ABR: variants seen among roughly 807,000 people sequenced by gnomAD.
The protein encoded by ABR is ABR activator of RhoGEF and GTPase.
Under a neutral mutation model 107.2 loss-of-function variants are expected in ABR, and 35 were observed. The ratio of observed to expected loss-of-function variants is 0.33; its 90% CI spans 0.25 to 0.43. ABR has a LOEUF of 0.43. ABR is among the 20% of genes least tolerant of loss of function. The pLI, the probability that ABR is intolerant of heterozygous loss-of-function variation, is 1.00. For synonymous variants in ABR, 498 were observed against 462.0 expected (o/e 1.08, Z -1.00); for missense variants, 815 against 1,115.2 (o/e 0.73, Z 3.83).
At chr17:1,090,358 T>A (rs1275328225) in intron 4 of ABR, among the ~76,000 whole-genome samples, 50 of 151,524 alleles carry the variant, frequency 3.3e-4, no homozygotes, top group Admixed American at 3.3e-3. Context: ...GAAGGGGCCG[T>A]CGAGGTTTCA....
At chr17:1,026,894 C>T (rs2072242039) in intron 16 of ABR, among the ~76,000 whole-genome samples, 1 of 151,930 alleles carries the variant, frequency 6.6e-6, no homozygotes, top group African/African-American at 2.4e-5. Flanking sequence ...CCTGGCAGCT[C>T]CCCCAGACTC....
chr17:1,048,236 A>G (rs1468838109), intron 16 of ABR, among the ~76,000 whole-genome samples: 1 of 152,222 alleles, frequency 6.6e-6, no homozygotes, highest in African/African-American at 2.4e-5. Flanking sequence ...GAGTACTGAG[A>G]AGCAGGGTGC....
intron 2 of ABR, among the ~76,000 whole-genome samples, chr17:1,101,841 C>T (rs1287287190): frequency 6.6e-6 from 1 of 151,740 alleles, no homozygotes; most frequent in African/African-American, 2.4e-5. Context: ...TCACGCCATT[C>T]TCCTGCCTCA....
At position 1,078,963 on chromosome 17, in the gene ABR, G is replaced by A. The variant is rs916282408; in HGVS notation, c.700+367C>T. 8.2e-5 allele frequency: 124 copies of A among 1,514,714 alleles called. No homozygotes were observed. The African/African-American group carries it at 1.4e-3, about 17-fold the overall frequency. 93.8% of individuals were successfully genotyped at this position (1,514,714 alleles called of 1,614,324 possible). On this transcript the variant is annotated intron_variant, in intron 6 of 22. Transcript: ENST00000302538. This position sits in a 1 kb window ranked among gnomAD's most constrained non-coding sequence, Gnocchi z 7.5. ...AGCCACCTTGCTGATGCTGCCGCAC[G>A]GACTCCAGCATCGGGCAGCCGCTCC...
At chr17:1,202,326 C>A (rs1432341529) in intron 1 of ABR, among the ~76,000 whole-genome samples, 1 of 152,220 alleles carries the variant, frequency 6.6e-6, no homozygotes, top group Non-Finnish European at 1.5e-5. Context: ...CCGCACCTGG[C>A]CCAAGAACCT....
intron 3 of ABR, among the ~76,000 whole-genome samples, chr17:1,099,364 C>T (rs1283091898): frequency 2.6e-5 from 4 of 152,168 alleles, no homozygotes; most frequent in South Asian, 4.1e-4. Context: ...CACTGAGCCA[C>T]GGCGCCCGGC....
At chr17:1,177,178 T>C (rs12941396) in intron 1 of ABR, among the ~76,000 whole-genome samples, 1 of 152,174 alleles carries the variant, frequency 6.6e-6, no homozygotes, top group East Asian at 1.9e-4. Flanking sequence ...CCACAAAACC[T>C]TGCTGCCAGG....
At chr17:1,029,823 C>CCACAGCGCTGACCCCTGCGTCCAT (rs1567609719) in intron 16 of ABR, among the ~76,000 whole-genome samples, 1 of 95,486 alleles carries the variant, frequency 1.0e-5, no homozygotes, top group African/African-American at 3.1e-5. Context: ...CCCGTGTCCA[C>CCACAGCGCTGACCCCTGCGTCCAT]GACACGGACA....
Position 1,050,554 on chromosome 17 carries a change from C to T in ABR, c.1642G>A (p.Glu548Lys). ...CCACTCACCTCATCCCACTTGGGCT[C>T]CGCTGTGTCCCGGAACACCCTGGTT... ...AKTRVFRDTA[E>K]PKWDEEFEIE... The change falls in exon 15 of 23, where the codon GAG (glutamate) becomes AAG (lysine). Residue 548 changes from glutamate to lysine, a missense_variant. Transcript: ENST00000302538. This position sits in a 1 kb window ranked among gnomAD's most constrained non-coding sequence, Gnocchi z 4.6. 6.2e-7 allele frequency: 1 copy of T among 1,614,004 alleles called. No homozygotes were observed. Among genetic ancestry groups the T allele is most frequent in the Non-Finnish European group, 8.5e-7 (1 of 1,179,988 alleles).
Position 1,151,887 on chromosome 17 carries a change from A to G in ABR, c.62-26520T>C, listed in dbSNP as rs142065978. Among the ~76,000 whole-genome samples the G allele has an allele frequency of 2.5e-3, 369 of 150,414 alleles. 2 individuals are homozygous for G. The East Asian group carries it at 0.066, about 27-fold the overall frequency. On this transcript the variant is annotated intron_variant, in intron 1 of 22. Coordinates refer to ENST00000302538, the MANE Select transcript of ABR (RefSeq NM_021962.5). The stretch of plus-strand genomic sequence containing the variant: ...ACAAAAAAGTTAGCCGGGCGTGGTG[A>G]TGAGCGCCTGTAGTCCCAGCACTTT...
chr17:1,175,820 G>A (rs1333938822), intron 1 of ABR, among the ~76,000 whole-genome samples: 2 of 152,094 alleles, frequency 1.3e-5, no homozygotes, highest in African/African-American at 4.8e-5. Flanking sequence ...GGCCGGGCGC[G>A]GTGGCTCACG....
chr17:1,188,572 C>T (rs62070507), upstream of ABR, among the ~76,000 whole-genome samples: 1 of 149,990 alleles, frequency 6.7e-6, no homozygotes, highest in Non-Finnish European at 1.5e-5. Flanking sequence ...AAAGAGGTCA[C>T]AATAACTAGG....
In ABR at chr17:1,086,507, T is replaced by C. The variant is rs572804405; in HGVS notation, c.532-2880A>G. Among the ~76,000 whole-genome samples, 4 of 152,068 alleles carry C rather than the reference T, an allele frequency of 2.6e-5. No homozygotes were observed. The East Asian group carries it at 7.7e-4, about 29-fold the overall frequency. On this transcript the variant is annotated intron_variant, in intron 4 of 22. Transcript: ENST00000302538. Reference sequence around the variant, plus strand: ...TATATGTGTATACTTATACACTTTTTTTTTTTTTTTTGAGATGGAGTCTCG... The same window carrying C: ...TATATGTGTATACTTATACACTTTTCTTTTTTTTTTTGAGATGGAGTCTCG...
intron 16 of ABR, chr17:1,031,516 G>GGCCCC: frequency 5.0e-6 from 1 of 200,832 alleles, no homozygotes; most frequent in Non-Finnish European, 7.3e-6. Flanking sequence ...GACCCCATCA[G>GGCCCC]CCCCCGCAGC....
In ABR at chr17:1,224,082, A is replaced by G. The variant is rs138659318; in HGVS notation, c.838+4711T>C. ...AGGGTTAGCGACGTTTATTATTCCCATCTGTCAGAGACGGAGGCTTGGAAG... is the reference window on the plus strand; with the variant it reads ...AGGGTTAGCGACGTTTATTATTCCCGTCTGTCAGAGACGGAGGCTTGGAAG... On this transcript the variant is annotated intron_variant, in intron 1 of 22. Coordinates refer to the ABR transcript ENST00000574139. Among the ~76,000 whole-genome samples the G allele has an allele frequency of 2.2e-4, 34 of 152,222 alleles. No individual in the cohort carries two copies. In the East Asian group the frequency reaches 4.8e-3, roughly 22 times the overall value.
At chr17:1,185,783 C>T (rs376115345) in intron 1 of ABR, among the ~76,000 whole-genome samples, 2 of 151,804 alleles carry the variant, frequency 1.3e-5, no homozygotes, top group Admixed American at 1.3e-4. Flanking sequence ...GCCTGTTTTC[C>T]GTGCTTTGCT....
At chr17:1,021,712 G>A (rs976279102) in intron 16 of ABR, among the ~76,000 whole-genome samples, 5 of 152,006 alleles carry the variant, frequency 3.3e-5, no homozygotes, top group Admixed American at 6.5e-5. Flanking sequence ...GCTGAGGCAG[G>A]AGAATCGCTT....
intron 16 of ABR, among the ~76,000 whole-genome samples, chr17:1,031,369 C>G (rs755688419): frequency 1.2e-4 from 19 of 152,166 alleles, no homozygotes; most frequent in Non-Finnish European, 2.4e-4. Context: ...TCCCTTCTCC[C>G]GAGGCAGGGG....
In ABR at chr17:1,176,867, A is replaced by C. The variant is rs577901627; in HGVS notation, c.61+2800T>G. On this transcript the variant is annotated intron_variant, in intron 1 of 22. Transcript: ENST00000302538. ...TCTCAAAACAAAACAAAAAACAAAA[A>C]ACAAAAAAAAAAAAGAAAAAAGAAA... 3.5e-5 allele frequency among the ~76,000 whole-genome samples: 5 copies of C among 143,474 alleles called. No individual in the cohort carries two copies. In the East Asian group the frequency reaches 1.3e-3, roughly 37 times the overall value. The allele number at this position is 143,474 out of a possible 152,430, so 94.1% of individuals were successfully genotyped here. A position where few individuals can be genotyped will look rare whatever the true frequency, so the allele number is the denominator to read the frequency against.
Sources: allele counts gnomAD v4.1 joint callset (sites outside exome capture counted in the v4.1 genomes callset), GRCh38; gene constraint gnomAD v4.1.1; non-coding constraint Gnocchi (gnomAD v3.1); transcripts MANE v1.5; gene names NCBI Gene and HGNC (gene_info 2026-07-23, HGNC 2026-07-21).